The following LGMN variants were observed in gnomAD, a reference collection of about 807,000 sequenced individuals.
The protein encoded by LGMN is legumain.
LGMN carries 36 observed loss-of-function variants against 56.8 expected under a neutral mutation model. That is an observed-to-expected ratio of 0.63 (90% CI 0.49 to 0.84). LGMN has a LOEUF of 0.84. Ranked by LOEUF, LGMN falls within the 40% of genes least tolerant of loss-of-function variation. LGMN has a pLI of 0.00. For synonymous variants in LGMN, 199 were observed against 210.1 expected (o/e 0.95, Z 0.46); for missense variants, 446 against 556.1 (o/e 0.80, Z 1.99).
chr14:92,735,199 G>A (rs1891242478), intron 1 of LGMN, among the ~76,000 whole-genome samples: 1 of 152,112 alleles, frequency 6.6e-6, no homozygotes, highest in Admixed American at 6.6e-5. Context: ...GCCTGGGGCA[G>A]GGCCTGAGAC....
At chr14:92,739,527 A>G (rs60847348) in intron 1 of LGMN, among the ~76,000 whole-genome samples, 2,052 of 152,338 alleles carry the variant, frequency 0.013, 51 homozygotes, top group African/African-American at 0.048. Context: ...GGCACTGAAC[A>G]GTGAACCAAA....
chr14:92,711,961 A>C lies in LGMN; in HGVS notation c.611-6T>G, dbSNP rs745739700. On this transcript the variant is annotated splice_region_variant and splice_polypyrimidine_tract_variant and intron_variant, in intron 8 of 13. Coordinates refer to ENST00000334869, the MANE Select transcript of LGMN (RefSeq NM_005606.7). ...GGCAGCAGTAGTTGCATAAACTACG[A>C]GGAATTAAAGATGATCTTTTAGTTG... is the stretch of plus-strand genomic sequence containing the variant. The C allele has an allele frequency of 1.3e-6, 2 of 1,580,878 alleles. No homozygotes were observed. Among genetic ancestry groups the C allele is most frequent in the East Asian group, 2.2e-5 (1 of 44,726 alleles).
At chr14:92,742,685 T>TG (rs1244252283) in intron 1 of LGMN, among the ~76,000 whole-genome samples, 1 of 152,118 alleles carries the variant, frequency 6.6e-6, no homozygotes, top group Non-Finnish European at 1.5e-5. Flanking sequence ...TGCTAGAGCC[T>TG]GGAAGTTTGG....
intron 1 of LGMN, among the ~76,000 whole-genome samples, chr14:92,737,516 C>T (rs1316578911): frequency 6.6e-6 from 1 of 152,244 alleles, no homozygotes; most frequent in Non-Finnish European, 1.5e-5. Flanking sequence ...GTCACCAGCT[C>T]AACCGACAGA....
intron 11 of LGMN, 126 bp downstream of exon 11, chr14:92,709,546 A>T: frequency 1.3e-6 from 1 of 783,250 alleles, no homozygotes; most frequent in Non-Finnish European, 2.1e-6. Flanking sequence ...TGGAGGACAA[A>T]GGCTGGCTTC....
chr14:92,713,313 C>G (rs1409234588), intron 7 of LGMN, among the ~76,000 whole-genome samples: 1 of 152,050 alleles, frequency 6.6e-6, no homozygotes, highest in Non-Finnish European at 1.5e-5. Flanking sequence ...CTCCTGGCCT[C>G]AAGTGATCTT....
chr14:92,715,862 C>T, intron 5 of LGMN: 1 of 250,436 alleles, frequency 4.0e-6, no homozygotes, highest in Non-Finnish European at 7.8e-6. Flanking sequence ...TGCTATGATC[C>T]CCAGACAAGG....
Position 92,714,024 on chromosome 14 carries a change from C to G in LGMN, c.481-139G>C. 2.7e-6 allele frequency: 2 copies of G among 728,340 alleles called. No individual in the cohort carries two copies. Among genetic ancestry groups the G allele is most frequent in the East Asian group, 5.2e-5 (2 of 38,542 alleles). The allele number at this position is 728,340 out of a possible 1,614,324, so 45.1% of individuals were successfully genotyped here. On this transcript the variant is annotated intron_variant, in intron 6 of 13. Coordinates refer to ENST00000334869, the MANE Select transcript of LGMN (RefSeq NM_005606.7). The surrounding 1 kb of genome is among the most constrained non-coding windows in gnomAD (Gnocchi z 5.1). The stretch of plus-strand genomic sequence containing the variant: ...GTAATCATGGTGAAGAACATAACCC[C>G]AGAATGTCGTCACATGTTTTATGCA...
At chr14:92,709,537 G>A in intron 11 of LGMN, 135 bp downstream of exon 11, 1 of 740,214 alleles carries the variant, frequency 1.4e-6, no homozygotes, top group Admixed American at 2.3e-5. Context: ...TCCGTTACAT[G>A]GAGGACAAAG....
intron 7 of LGMN, 102 bp downstream of exon 7, chr14:92,713,721 C>T (rs1205322838): frequency 2.4e-6 from 2 of 820,684 alleles, no homozygotes; most frequent in African/African-American, 1.7e-5. Context: ...CTAGAAAACA[C>T]AGCACCCACA....
chr14:92,732,971 A>G (rs771407232), intron 1 of LGMN, among the ~76,000 whole-genome samples, 156 bp from the exon 2 acceptor site: 35 of 152,066 alleles, frequency 2.3e-4, no homozygotes, highest in Non-Finnish European at 8.8e-5. Context: ...CAACATGGAG[A>G]GACCTCATCT....
rs2140225443 is a variant in LGMN, at chr14:92,716,712, G to A, written c.319-491C>T. ...CCTGTATGATATGTTAAATTTAATT[G>A]TATTTGACTTTAAAAGAAAAATAAA... On this transcript the variant is annotated intron_variant, in intron 4 of 13. Coordinates refer to ENST00000334869, the MANE Select transcript of LGMN (RefSeq NM_005606.7). 3.3e-5 allele frequency among the ~76,000 whole-genome samples: 5 copies of A among 152,134 alleles called. No homozygotes were observed. In the Middle Eastern group the frequency reaches 0.014, roughly 414 times the overall value.
chr14:92,727,329 C>T (rs970654365), intron 2 of LGMN, among the ~76,000 whole-genome samples: 12 of 148,882 alleles, frequency 8.1e-5, no homozygotes, highest in Non-Finnish European at 3.0e-5. Flanking sequence ...ACTCGAGAGG[C>T]TGAGGCACGA....
intron 1 of LGMN, among the ~76,000 whole-genome samples, chr14:92,736,288 G>T (rs948312150): frequency 6.6e-6 from 1 of 152,102 alleles, no homozygotes; most frequent in African/African-American, 2.4e-5. Context: ...AAGAATCTAT[G>T]TTATTATCTT....
chr14:92,747,035 C>CAAA (rs35615315), intron 1 of LGMN, among the ~76,000 whole-genome samples: 5,102 of 78,736 alleles, frequency 0.065, 161 homozygotes, highest in East Asian at 0.16. Context: ...GACTCCGTCT[C>CAAA]AAAAAAAAAA....
intron 12 of LGMN, chr14:92,704,971 G>T: frequency 2.4e-6 from 1 of 410,372 alleles, no homozygotes; most frequent in South Asian, 2.8e-5. Flanking sequence ...TCCTGACAGG[G>T]AACTCCCGAT....
chr14:92,704,452 T>A, intron 13 of LGMN, 91 bp from the exon 14 acceptor site: 1 of 1,156,658 alleles, frequency 8.6e-7, no homozygotes, highest in Non-Finnish European at 1.3e-6. Context: ...GGCAGGCAGT[T>A]ATGACAGGCC....
At chr14:92,708,676 T>C (rs371741116) in intron 11 of LGMN, among the ~76,000 whole-genome samples, 12 of 151,698 alleles carry the variant, frequency 7.9e-5, no homozygotes, top group South Asian at 6.2e-4. Context: ...ACCAACATGG[T>C]GAAACCCCAT....
At position 92,712,858 on chromosome 14, in the gene LGMN, A is replaced by G; in HGVS notation, c.557T>C (p.Ile186Thr). 1 of 1,613,914 alleles carries G rather than the reference A, an allele frequency of 6.2e-7. No homozygotes were observed. Among genetic ancestry groups the G allele is most frequent in the Non-Finnish European group, 8.5e-7 (1 of 1,179,940 alleles). Residue 186 changes from isoleucine (I) to threonine (T), a missense_variant, in exon 8 of 14, where the codon ATT becomes ACT. Transcript: ENST00000334869. ...HKMYRKMVFY[I>T]EACESGSMMN... Reference sequence around the variant, plus strand: ...CATGGACCCAGACTCACAGGCTTCAATGTAGAACACCATCTGTGAGGCAGA... The same window carrying G: ...CATGGACCCAGACTCACAGGCTTCAGTGTAGAACACCATCTGTGAGGCAGA...
Sources: gnomAD v4.1 joint callset for allele counts (sites outside exome capture counted in the v4.1 genomes callset) on GRCh38, gnomAD v4.1.1 for gene constraint, Gnocchi (gnomAD v3.1) non-coding constraint, MANE v1.5 for transcripts, NCBI Gene and HGNC (gene_info 2026-07-23, HGNC 2026-07-21) for gene names.